Variants in TMLHE observed in about 807,000 individuals in gnomAD.
TMLHE encodes trimethyllysine hydroxylase, epsilon.
A neutral mutation model predicts 25.7 loss-of-function variants in TMLHE; 18 were observed. That is an observed-to-expected ratio of 0.70 (90% CI 0.48 to 1.04). TMLHE has a LOEUF of 1.04. TMLHE is among the 50% of genes least tolerant of loss of function. TMLHE has a pLI of 0.00. For missense variants in TMLHE, 236 were observed against 259.0 expected, an observed-to-expected ratio of 0.91 and a Z score of 0.61; for synonymous variants, 105 against 97.0, an observed-to-expected ratio of 1.08 and a Z score of -0.49.
chrX:155,554,893 T>A (rs1049003532), intron 1 of TMLHE, among the ~76,000 whole-genome samples: 7 of 110,106 alleles, frequency 6.4e-5, no homozygotes, highest in Admixed American at 1.9e-4. Context: ...TTCCTTTTTT[T>A]AATTATACTT....
At chrX:155,602,002 CAT>C (rs1557347344) in intron 1 of TMLHE, among the ~76,000 whole-genome samples, 1 of 110,869 alleles carries the variant, frequency 9.0e-6, no homozygotes, top group Non-Finnish European at 1.9e-5. Flanking sequence ...TAACTATAAA[CAT>C]ATACACATCT....
In TMLHE at chrX:155,561,083, C is replaced by T. The variant is rs5983650; in HGVS notation, c.-1-15806G>A. On this transcript the variant is annotated intron_variant, in intron 1 of 7. Coordinates refer to ENST00000334398, the MANE Select transcript of TMLHE (RefSeq NM_018196.4). ...GAGTCTGTTTTTTTGAAGGCAAAAACGACAGGATTTGCTGATGAATTGAAA... is the reference window on the plus strand; with the variant it reads ...GAGTCTGTTTTTTTGAAGGCAAAAATGACAGGATTTGCTGATGAATTGAAA... Among the ~76,000 whole-genome samples the T allele has an allele frequency of 2.6e-3, 159 of 61,054 alleles. 14 individuals are homozygous for T. Among genetic ancestry groups the T allele is most frequent in the African/African-American group, 5.5e-3 (153 of 27,575 alleles). 53.0% of individuals were successfully genotyped at this position (61,054 alleles called of 115,157 possible). A position where few individuals can be genotyped will look rare whatever the true frequency, so the allele number is the denominator to read the frequency against.
intron 3 of TMLHE, among the ~76,000 whole-genome samples, chrX:155,523,518 T>C (rs2067201294): frequency 8.9e-6 from 1 of 111,838 alleles, no homozygotes; most frequent in South Asian, 3.7e-4. Context: ...TCTATTCTAT[T>C]CCATTGATCT....
rs1557342691 is a variant in TMLHE at position 155,569,205 on chromosome X, C to T, written c.-1-23928G>A. 5.3e-5 allele frequency among the ~76,000 whole-genome samples: 3 copies of T among 56,918 alleles called. 1 individual carries two copies. The highest frequency in any genetic ancestry group is 9.2e-5 in the Non-Finnish European group (2 of 21,837). 49.4% of individuals were successfully genotyped at this position (56,918 alleles called of 115,157 possible). ...TGAAGAATGCAGAAGCCTCAGGAGCCGATGCGATCACCTGGAAGAAAGGGT... is the reference window on the plus strand; with the variant it reads ...TGAAGAATGCAGAAGCCTCAGGAGCTGATGCGATCACCTGGAAGAAAGGGT... On this transcript the variant is annotated intron_variant, in intron 1 of 7. Transcript: ENST00000334398.
At chrX:155,534,062 T>C (rs1266104855) in intron 2 of TMLHE, among the ~76,000 whole-genome samples, 2 of 111,677 alleles carry the variant, frequency 1.8e-5, no homozygotes, top group Non-Finnish European at 1.9e-5. Flanking sequence ...TAGTCAGCCA[T>C]CTCAACAGAA....
Position 155,569,903 on chromosome X carries a change from G to A in TMLHE, c.-1-24626C>T, listed in dbSNP as rs1392737944. On this transcript the variant is annotated intron_variant, in intron 1 of 7. Coordinates refer to ENST00000334398, the MANE Select transcript of TMLHE (RefSeq NM_018196.4). ...ATCATGCCAAATTGTAAATACCATC[G>A]AGGCTAGGAAGAAACTGCATCAACT... Among the ~76,000 whole-genome samples, 149 of 56,747 alleles carry A rather than the reference G, an allele frequency of 2.6e-3. 22 individuals are homozygous for A. Among genetic ancestry groups the A allele is most frequent in the African/African-American group, 6.1e-3 (143 of 23,578 alleles). The allele number at this position is 56,747 out of a possible 115,157, so 49.3% of individuals were successfully genotyped here.
rs1173585007 is a variant in TMLHE at position 155,558,389 on chromosome X, T to A, written c.-1-13112A>T. Among the ~76,000 whole-genome samples the A allele has an allele frequency of 2.7e-5, 3 of 111,973 alleles. No homozygotes were observed. The Admixed American group carries it at 2.9e-4, about 11-fold the overall frequency. ...TCTCTCATAATAGTCTTTATGTGTT[T>A]CTTCTTAATACATTATGTTGAAATG... On this transcript the variant is annotated intron_variant, in intron 1 of 7. Transcript: ENST00000334398.
At chrX:155,506,658 T>TA (rs1428407977) in intron 6 of TMLHE, among the ~76,000 whole-genome samples, 1 of 111,327 alleles carries the variant, frequency 9.0e-6, no homozygotes, top group Non-Finnish European at 1.9e-5. Context: ...TGTTTTCATT[T>TA]AAAAAATACT....
At chrX:155,522,636 C>G (rs1326814976) in intron 3 of TMLHE, among the ~76,000 whole-genome samples, 1 of 112,086 alleles carries the variant, frequency 8.9e-6, no homozygotes, top group East Asian at 2.8e-4. Context: ...CTGTTACAAA[C>G]ATGAAATCAT....
At chrX:155,609,089 A>G (rs1239358101) in intron 1 of TMLHE, among the ~76,000 whole-genome samples, 1 of 112,080 alleles carries the variant, frequency 8.9e-6, no homozygotes, top group Non-Finnish European at 1.9e-5. Context: ...ACATGCATGC[A>G]TATGTTCCTT....
At chrX:155,609,912 AATACATTGCTGGTGGTTC>A (rs1175891133) in intron 1 of TMLHE, among the ~76,000 whole-genome samples, 1 of 112,557 alleles carries the variant, frequency 8.9e-6, no homozygotes, top group African/African-American at 3.2e-5. Context: ...GATGTGAAGA[AATACATTGCTGGTGGTTC>A]ATATAAATCT....
chrX:155,556,848 G>C (rs1463839512), intron 1 of TMLHE, among the ~76,000 whole-genome samples: 6 of 111,288 alleles, frequency 5.4e-5, no homozygotes, highest in East Asian at 2.8e-4. Flanking sequence ...TACGCCCCGG[G>C]GGGGCCAGTT....
At chrX:155,556,187 A>G (rs2067453204) in intron 1 of TMLHE, among the ~76,000 whole-genome samples, 1 of 38,654 alleles carries the variant, frequency 2.6e-5, no homozygotes, top group South Asian at 1.3e-3. Flanking sequence ...ACATGCAGCA[A>G]TGAAACAGGG....
chrX:155,583,735 A>C (rs1265304554), intron 1 of TMLHE, among the ~76,000 whole-genome samples: 3 of 112,077 alleles, frequency 2.7e-5, no homozygotes, highest in African/African-American at 9.7e-5. Context: ...ACATGTTCTC[A>C]CTTATAAGTG....
intron 1 of TMLHE, among the ~76,000 whole-genome samples, chrX:155,609,472 C>T (rs782576093): frequency 4.9e-4 from 55 of 111,486 alleles, no homozygotes; most frequent in African/African-American, 9.8e-4. Flanking sequence ...ATAATATGTA[C>T]GCCACACCCC....
intron 1 of TMLHE, among the ~76,000 whole-genome samples, chrX:155,587,504 G>A (rs2067672216): frequency 1.8e-5 from 2 of 111,568 alleles, no homozygotes; most frequent in Non-Finnish European, 3.8e-5. Context: ...AATACTGGAA[G>A]TGCTAGCCAG....
Position 155,560,851 on chromosome X carries a change from G to T in TMLHE, c.-1-15574C>A, listed in dbSNP as rs1423465572. ...TGATAGAAATGATGAACCATTGTAG[G>T]GTTTTAAAACTAATAGGTAACATGA... On this transcript the variant is annotated intron_variant, in intron 1 of 7. Transcript: ENST00000334398. 4.9e-5 allele frequency among the ~76,000 whole-genome samples: 3 copies of T among 61,121 alleles called. 1 individual carries two copies. The highest frequency in any genetic ancestry group is 3.6e-5 in the African/African-American group (1 of 27,613). 53.1% of individuals were successfully genotyped at this position (61,121 alleles called of 115,157 possible).
intron 1 of TMLHE, among the ~76,000 whole-genome samples, chrX:155,568,973 A>C (rs1416650079): frequency 0.019 from 894 of 46,082 alleles, 13 homozygotes; most frequent in East Asian, 0.027. Flanking sequence ...CAACGGAACA[A>C]AGCTGGATAG....
At chrX:155,580,098 G>C (rs1390340087) in intron 1 of TMLHE, among the ~76,000 whole-genome samples, 1 of 111,578 alleles carries the variant, frequency 9.0e-6, no homozygotes, top group Non-Finnish European at 1.9e-5. Flanking sequence ...GTTCTCAGCA[G>C]CCAGCACTCA....
Sources: gnomAD v4.1 joint callset for allele counts (sites outside exome capture counted in the v4.1 genomes callset) on GRCh38, gnomAD v4.1.1 for gene constraint, MANE v1.5 for transcripts, NCBI Gene and HGNC (gene_info 2026-07-23, HGNC 2026-07-21) for gene names.